Variants in PRICKLE1 observed in about 807,000 individuals in gnomAD.
PRICKLE1 encodes the protein prickle-like protein 1.
In PRICKLE1, 14 loss-of-function variants were observed where a neutral mutation model predicts 70.2. The ratio of observed to expected loss-of-function variants is 0.20; its 90% CI spans 0.13 to 0.31. PRICKLE1 has a LOEUF of 0.31. PRICKLE1 is among the 10% of genes least tolerant of loss of function. The probability of loss-of-function intolerance (pLI) is 1.00; values close to 1 mark genes in which losing one functional copy is unlikely to be tolerated. For synonymous variants in PRICKLE1, 357 were observed against 379.9 expected, an observed-to-expected ratio of 0.94 and a Z score of 0.70; for missense variants, 821 against 1,026.2, an observed-to-expected ratio of 0.80 and a Z score of 2.73.
chr12:42,506,855 G>A (rs1257457057), intron 1 of PRICKLE1, among the ~76,000 whole-genome samples: 1 of 152,094 alleles, frequency 6.6e-6, no homozygotes, highest in Admixed American at 6.6e-5. Flanking sequence ...ACAGGTGTGA[G>A]CCACCGCACC....
chr12:42,574,579 C>T (rs1940773781), intron 1 of PRICKLE1, among the ~76,000 whole-genome samples: 2 of 152,182 alleles, frequency 1.3e-5, no homozygotes, highest in South Asian at 4.1e-4. Flanking sequence ...CAGTGAACAA[C>T]TAGATGGCAG....
chr12:42,550,686 TACAAAACA>T (rs758755443), intron 1 of PRICKLE1, among the ~76,000 whole-genome samples: 21 of 152,174 alleles, frequency 1.4e-4, no homozygotes, highest in Non-Finnish European at 2.5e-4. Flanking sequence ...CTCTTCCTAC[TACAAAACA>T]ACAAATCAAC....
chr12:42,461,838 G>A (rs1333311581), intron 7 of PRICKLE1, among the ~76,000 whole-genome samples: 5 of 151,936 alleles, frequency 3.3e-5, no homozygotes, highest in African/African-American at 4.8e-5. Flanking sequence ...TCGCTCTGTC[G>A]CCCAGGCTGG....
At chr12:42,530,922 C>T (rs1001992884) in intron 1 of PRICKLE1, among the ~76,000 whole-genome samples, 4 of 151,470 alleles carry the variant, frequency 2.6e-5, no homozygotes, top group African/African-American at 9.7e-5. Context: ...CTACCTGCTT[C>T]GGCCTCCCAA....
chr12:42,477,406 C>T (rs1397313258), intron 1 of PRICKLE1, among the ~76,000 whole-genome samples: 2 of 147,394 alleles, frequency 1.4e-5, no homozygotes, highest in Non-Finnish European at 3.0e-5. Context: ...TATATATACA[C>T]ATATTATATA....
chr12:42,459,318 G>A lies in PRICKLE1; in HGVS notation c.*491C>T. On this transcript the variant is annotated 3_prime_UTR_variant, in exon 8 of 8. Transcript: ENST00000345127. ...TACAATGTTTACCTGGCCAAAGAGG[G>A]TTCGAGGGGACAAGCTGGCCTCACA... 1 of 702,038 alleles carries A rather than the reference G, an allele frequency of 1.4e-6. No homozygotes were observed. 43.5% of individuals were successfully genotyped at this position (702,038 alleles called of 1,614,324 possible).
At chr12:42,482,842 G>T (rs1036555636) in intron 1 of PRICKLE1, 4 of 152,346 alleles carry the variant, frequency 2.6e-5, no homozygotes, top group Admixed American at 6.5e-5. Flanking sequence ...GCTGCAGGGG[G>T]TCCCCTGGGT....
intron 1 of PRICKLE1, among the ~76,000 whole-genome samples, chr12:42,579,348 G>A (rs1444177964): frequency 8.5e-5 from 13 of 152,154 alleles, no homozygotes; most frequent in African/African-American, 2.6e-4. Context: ...TTTAACATTC[G>A]TTTAAAGTCC....
At chr12:42,517,240 A>G (rs766185051) in intron 1 of PRICKLE1, among the ~76,000 whole-genome samples, 9 of 149,830 alleles carry the variant, frequency 6.0e-5, no homozygotes, top group Non-Finnish European at 1.3e-4. Flanking sequence ...TTTTAAAAAT[A>G]CTTTTACTGT....
At chr12:42,556,800 G>C (rs1022257257) in intron 1 of PRICKLE1, among the ~76,000 whole-genome samples, 22 of 152,142 alleles carry the variant, frequency 1.4e-4, no homozygotes, top group Non-Finnish European at 7.4e-5. Context: ...ATAATGCAAA[G>C]ATATGGGTTT....
chr12:42,576,911 G>A (rs1940814056), intron 1 of PRICKLE1, among the ~76,000 whole-genome samples: 2 of 152,154 alleles, frequency 1.3e-5, no homozygotes, highest in Admixed American at 6.5e-5. Context: ...TGTTATCAAA[G>A]ATTAATTATA....
rs532773336 is a variant in PRICKLE1 at position 42,570,165 on chromosome 12, C to T, written c.-49+19300G>A. On this transcript the variant is annotated intron_variant, in intron 1 of 7. Transcript: ENST00000345127. ...TGTTTCAATTAGATATAGCTCCCTTCCTTGAGTCAAAAATTATTTAAGTTT... is the reference window on the plus strand; with the variant it reads ...TGTTTCAATTAGATATAGCTCCCTTTCTTGAGTCAAAAATTATTTAAGTTT... 7.2e-5 allele frequency among the ~76,000 whole-genome samples: 11 copies of T among 152,356 alleles called. No homozygotes were observed. In the South Asian group the frequency reaches 1.4e-3, roughly 20 times the overall value.
rs1566072850 is a variant in PRICKLE1, at chr12:42,457,773, AC to A, written c.*2035del. 6.6e-6 allele frequency: 1 copy of A among 152,258 alleles called. No homozygotes were observed. Among genetic ancestry groups the A allele is most frequent in the African/African-American group, 2.4e-5 (1 of 41,460 alleles). 9.4% of individuals were successfully genotyped at this position (152,258 alleles called of 1,614,324 possible). On this transcript the variant is annotated 3_prime_UTR_variant, in exon 8 of 8. Coordinates refer to ENST00000345127, the MANE Select transcript of PRICKLE1 (RefSeq NM_153026.3). ...AAGCATGTCACAGCACATATAGGTC[AC>A]TACCACTTTTAAAAGACACATTTAT...
chr12:42,462,866 T>C (rs1002183980), intron 7 of PRICKLE1, among the ~76,000 whole-genome samples: 8 of 152,276 alleles, frequency 5.3e-5, no homozygotes, highest in Non-Finnish European at 7.3e-5. Context: ...TCCTAGGTTC[T>C]AGGCCTAATC....
At chr12:42,511,104 T>C (rs535274451) in intron 1 of PRICKLE1, among the ~76,000 whole-genome samples, 129 of 152,260 alleles carry the variant, frequency 8.5e-4, no homozygotes, top group Admixed American at 2.9e-3. Flanking sequence ...CCAACAGCTC[T>C]CCCACAATAA....
At chr12:42,563,535 T>C (rs1940564465) in intron 1 of PRICKLE1, among the ~76,000 whole-genome samples, 1 of 147,968 alleles carries the variant, frequency 6.8e-6, no homozygotes, top group Non-Finnish European at 1.5e-5. Context: ...CCGTCTCTAC[T>C]AAAAAAAAAT....
chr12:42,587,220 G>A (rs1289747105), intron 1 of PRICKLE1, among the ~76,000 whole-genome samples: 4 of 151,976 alleles, frequency 2.6e-5, no homozygotes, highest in Non-Finnish European at 4.4e-5. Flanking sequence ...GTGATAACTC[G>A]CCAATTAGTA....
At chr12:42,508,043 C>A (rs1985217) in intron 1 of PRICKLE1, among the ~76,000 whole-genome samples, 87,840 of 151,964 alleles carry the variant, frequency 0.58, 25,671 homozygotes, top group East Asian at 0.72. Flanking sequence ...CAATAGTGAA[C>A]ATATATTTCA....
chr12:42,550,556 G>A (rs756806645), intron 1 of PRICKLE1, among the ~76,000 whole-genome samples: 2 of 152,110 alleles, frequency 1.3e-5, no homozygotes, highest in Non-Finnish European at 2.9e-5. Flanking sequence ...TCGTATTATA[G>A]GGCAAAGAAA....
Sources: allele counts gnomAD v4.1 joint callset (sites outside exome capture counted in the v4.1 genomes callset), GRCh38; gene constraint gnomAD v4.1.1; transcripts MANE v1.5; gene names NCBI Gene and HGNC (gene_info 2026-07-23, HGNC 2026-07-21).